JARID2: variants seen among roughly 807,000 people sequenced by gnomAD.
JARID2 encodes jumonji and AT-rich interaction domain containing 2.
A neutral mutation model predicts 125.6 loss-of-function variants in JARID2; 21 were observed. The ratio of observed to expected loss-of-function variants is 0.17; its 90% CI spans 0.12 to 0.24. The LOEUF is 0.24. Ranked by LOEUF, JARID2 falls within the 10% of genes least tolerant of loss-of-function variation. The probability of loss-of-function intolerance (pLI) is 1.00; values close to 1 mark genes in which losing one functional copy is unlikely to be tolerated. For synonymous variants in JARID2, 736 were observed against 661.6 expected (o/e 1.11, Z -1.73); for missense variants, 1,303 against 1,639.6 (o/e 0.79, Z 3.55).
At chr6:15,330,791 G>T (rs764278161) in intron 1 of JARID2, among the ~76,000 whole-genome samples, 2 of 152,188 alleles carry the variant, frequency 1.3e-5, no homozygotes, top group African/African-American at 2.4e-5. Context: ...TACTGGGAAA[G>T]TCACATCAAA....
chr6:15,248,341 CCCGGGCCGG>C, intron 1 of JARID2, among the ~76,000 whole-genome samples: 3 of 144,858 alleles, frequency 2.1e-5, no homozygotes, highest in African/African-American at 7.5e-5. Flanking sequence ...CACCGGTCTA[CCCGGGCCGG>C]CTTGCAGGCG....
intron 1 of JARID2, among the ~76,000 whole-genome samples, chr6:15,279,067 G>C (rs1760652253): frequency 6.8e-6 from 1 of 147,820 alleles, no homozygotes; most frequent in Non-Finnish European, 1.5e-5. Flanking sequence ...CTTCAGCCTG[G>C]GAGGCAGAAT....
At chr6:15,406,426 CTG>C (rs1386548659) in intron 2 of JARID2, among the ~76,000 whole-genome samples, 1 of 152,206 alleles carries the variant, frequency 6.6e-6, no homozygotes, top group Non-Finnish European at 1.5e-5. Flanking sequence ...GAGCGAGACT[CTG>C]TCTCAAGGTC....
chr6:15,519,594 G>T (rs543672659), intron 17 of JARID2, among the ~76,000 whole-genome samples: 1 of 152,206 alleles, frequency 6.6e-6, no homozygotes, highest in Non-Finnish European at 1.5e-5. Flanking sequence ...TTTTGGTGCC[G>T]ACAGATAAAT....
At chr6:15,263,929 G>A (rs1334346082) in intron 1 of JARID2, among the ~76,000 whole-genome samples, 1 of 152,110 alleles carries the variant, frequency 6.6e-6, no homozygotes. Context: ...GTGTCGCTGT[G>A]TTACCCAAAC....
At chr6:15,456,229 CA>C (rs931363846) in intron 4 of JARID2, among the ~76,000 whole-genome samples, 1 of 152,152 alleles carries the variant, frequency 6.6e-6, no homozygotes, top group African/African-American at 2.4e-5. Flanking sequence ...GTTGCGGAGG[CA>C]TGCTTATTTA....
intron 2 of JARID2, chr6:15,401,015 A>G (rs1765410920): frequency 2.3e-6 from 3 of 1,289,256 alleles, no homozygotes; most frequent in African/African-American, 1.5e-5. Flanking sequence ...CCTGGGATAG[A>G]AGGTCTGTTC....
At position 15,351,077 on chromosome 6, in the gene JARID2, A is replaced by T. The variant is rs539907423; in HGVS notation, c.46-23040A>T. On this transcript the variant is annotated intron_variant, in intron 1 of 17. Coordinates refer to ENST00000341776, the MANE Select transcript of JARID2 (RefSeq NM_004973.4). ...GTTTTCAATTTGAGTGGTATGTAAT[A>T]AAATACAAATTTCATATTTGAAGGT... 4.6e-5 allele frequency among the ~76,000 whole-genome samples: 7 copies of T among 152,242 alleles called. No individual in the cohort carries two copies. The East Asian group carries it at 1.3e-3, about 29-fold the overall frequency.
intron 1 of JARID2, among the ~76,000 whole-genome samples, chr6:15,258,824 A>G (rs1046663166): frequency 3.3e-5 from 5 of 152,364 alleles, no homozygotes; most frequent in African/African-American, 1.2e-4. Context: ...GACTATTTAG[A>G]CCATGTTATT....
chr6:15,248,018 G>A, intron 1 of JARID2: 2 of 985,402 alleles, frequency 2.0e-6, no homozygotes, highest in Non-Finnish European at 2.4e-6. Flanking sequence ...ACCGCACCCC[G>A]CCTCCCATTC....
At position 15,513,338 on chromosome 6, in the gene JARID2, G is replaced by A; in HGVS notation, c.3366G>A (p.Gly1122=). The A allele has an allele frequency of 1.2e-6, 2 of 1,613,316 alleles. No individual in the cohort carries two copies. The highest frequency in any genetic ancestry group is 2.2e-5 in the East Asian group (1 of 44,854). ...ATGGCAGCAGCACGGTGGCGGACGG[G>A]AAGAAAAAGCCTCGAAAGTGGCTGC... ...SHDGSSTVAD[G]KKKPRKWLQL... Residue 1122 remains glycine, a synonymous_variant, in exon 16 of 18, where the codon GGG becomes GGA. Coordinates refer to ENST00000341776, the MANE Select transcript of JARID2 (RefSeq NM_004973.4).
At chr6:15,471,990 T>G (rs1769097825) in intron 5 of JARID2, among the ~76,000 whole-genome samples, 1 of 152,038 alleles carries the variant, frequency 6.6e-6, no homozygotes. Flanking sequence ...TTTTTATTGT[T>G]TAAAATTTAA....
chr6:15,458,292 T>TG (rs1415097801), intron 4 of JARID2, among the ~76,000 whole-genome samples: 37 of 152,192 alleles, frequency 2.4e-4, no homozygotes, highest in African/African-American at 8.2e-4. Context: ...TACGGGGCAC[T>TG]GCAAACAAGG....
intron 1 of JARID2, among the ~76,000 whole-genome samples, chr6:15,373,626 A>G (rs566314407): frequency 1.3e-5 from 2 of 152,266 alleles, no homozygotes; most frequent in Non-Finnish European, 2.9e-5. Context: ...CTGGATTGTA[A>G]ATTCCTTGAA....
chr6:15,263,705 G>C (rs763469184), intron 1 of JARID2, among the ~76,000 whole-genome samples: 2 of 150,526 alleles, frequency 1.3e-5, no homozygotes, highest in Non-Finnish European at 2.9e-5. Flanking sequence ...TGATTCTCCT[G>C]CCTCAGCCTC....
intron 3 of JARID2, 54 bp downstream of exon 3, chr6:15,410,419 A>C: frequency 1.3e-6 from 2 of 1,569,544 alleles, no homozygotes; most frequent in Non-Finnish European, 8.7e-7. Context: ...CTGCAAACTC[A>C]GGTGCCAGTT....
chr6:15,274,908 C>A (rs1760438628), intron 1 of JARID2, among the ~76,000 whole-genome samples: 1 of 152,170 alleles, frequency 6.6e-6, no homozygotes, highest in African/African-American at 2.4e-5. Flanking sequence ...AGCTGGTCAG[C>A]CTTCTGGAAT....
At chr6:15,289,951 G>C (rs778991595) in intron 1 of JARID2, among the ~76,000 whole-genome samples, 8 of 152,198 alleles carry the variant, frequency 5.3e-5, no homozygotes, top group Non-Finnish European at 1.2e-4. Flanking sequence ...TTGTCTTCAT[G>C]GAAAGAAGGA....
intron 1 of JARID2, among the ~76,000 whole-genome samples, chr6:15,310,222 T>C (rs1288486572): frequency 6.6e-6 from 1 of 152,188 alleles, no homozygotes; most frequent in Admixed American, 6.5e-5. Context: ...AAGCATGTGA[T>C]TTATGTAAAA....
Sources: allele counts gnomAD v4.1 joint callset (sites outside exome capture counted in the v4.1 genomes callset), GRCh38; gene constraint gnomAD v4.1.1; transcripts MANE v1.5; gene names NCBI Gene and HGNC (gene_info 2026-07-23, HGNC 2026-07-21).